Variants in CPA6 observed in about 807,000 individuals in gnomAD.
CPA6 encodes carboxypeptidase B.
Under a neutral mutation model 63.3 loss-of-function variants are expected in CPA6, and 58 were observed. The observed-to-expected ratio is 0.92, with a 90% CI of 0.74 to 1.14. The LOEUF (loss-of-function observed/expected upper bound fraction) is 1.14, where lower values mean the gene tolerates loss of function less well. Ranked by LOEUF, CPA6 falls within the 50% of genes most tolerant of loss-of-function variation. The pLI, the probability that CPA6 is intolerant of heterozygous loss-of-function variation, is 0.00. For missense variants in CPA6, 565 were observed against 526.6 expected, an observed-to-expected ratio of 1.07 and a Z score of -0.71; for synonymous variants, 185 against 179.0, an observed-to-expected ratio of 1.03 and a Z score of -0.27.
At chr8:67,487,834 C>G (rs1255427636) in intron 6 of CPA6, among the ~76,000 whole-genome samples, 2 of 152,060 alleles carry the variant, frequency 1.3e-5, no homozygotes, top group Non-Finnish European at 2.9e-5. Flanking sequence ...TTTCATGTGT[C>G]TTTTGGATGC....
chr8:67,674,082 A>C (rs1816415724), intron 1 of CPA6, among the ~76,000 whole-genome samples: 1 of 152,160 alleles, frequency 6.6e-6, no homozygotes, highest in Non-Finnish European at 1.5e-5. Context: ...TATTCTCTCC[A>C]TTCTACAGTT....
chr8:67,688,576 A>G (rs1300002778), intron 1 of CPA6, among the ~76,000 whole-genome samples: 2 of 152,164 alleles, frequency 1.3e-5, no homozygotes, highest in Non-Finnish European at 2.9e-5. Context: ...ATTGCAGGCT[A>G]TATCATTAAT....
chr8:67,547,696 T>G, intron 2 of CPA6, among the ~76,000 whole-genome samples: 1 of 151,924 alleles, frequency 6.6e-6, no homozygotes, highest in Non-Finnish European at 1.5e-5. Context: ...AGTCTCCTCA[T>G]GTTGCCTAGG....
chr8:67,588,412 CTCA>C (rs1814007441), intron 2 of CPA6, among the ~76,000 whole-genome samples: 1 of 151,896 alleles, frequency 6.6e-6, no homozygotes, highest in Non-Finnish European at 1.5e-5. Flanking sequence ...TCTTTTAATT[CTCA>C]AGGGGTTTTA....
rs550586189 is a variant in CPA6 at position 67,512,686 on chromosome 8, C to T, written c.318-1031G>A. ...GCATTACTTAAAGATGTTAGAAAGC[C>T]CCCCAGTGATTTTCCTGGGCCTGGC... On this transcript the variant is annotated intron_variant, in intron 3 of 10. Coordinates refer to ENST00000297770, the MANE Select transcript of CPA6 (RefSeq NM_020361.5). Among the ~76,000 whole-genome samples the T allele has an allele frequency of 2.0e-5, 3 of 152,216 alleles. No homozygotes were observed. In the East Asian group the frequency reaches 5.8e-4, roughly 29 times the overall value.
At chr8:67,445,870 A>G (rs1810399225) in intron 8 of CPA6, among the ~76,000 whole-genome samples, 1 of 152,240 alleles carries the variant, frequency 6.6e-6, no homozygotes, top group Non-Finnish European at 1.5e-5. Flanking sequence ...AAATACATGG[A>G]AAAATGATTA....
At chr8:67,542,493 C>T (rs879641219) in intron 2 of CPA6, among the ~76,000 whole-genome samples, 3 of 152,222 alleles carry the variant, frequency 2.0e-5, no homozygotes, top group Non-Finnish European at 2.9e-5. Context: ...GGAACCGAGT[C>T]GATTCCTAAT....
intron 6 of CPA6, among the ~76,000 whole-genome samples, chr8:67,498,789 C>T (rs562190573): frequency 6.6e-6 from 1 of 152,122 alleles, no homozygotes; most frequent in East Asian, 1.9e-4. Context: ...TCTAAGCGTA[C>T]CAACCATTTG....
chr8:67,675,656 A>G (rs957864882), intron 1 of CPA6, among the ~76,000 whole-genome samples: 1 of 152,198 alleles, frequency 6.6e-6, no homozygotes, highest in South Asian at 2.1e-4. Context: ...GAATGACATT[A>G]TCACAACGAA....
chr8:67,654,036 G>T (rs962829391), intron 1 of CPA6, among the ~76,000 whole-genome samples: 33 of 151,832 alleles, frequency 2.2e-4, no homozygotes, highest in Admixed American at 2.2e-3. Flanking sequence ...TTATATGCTG[G>T]ATTACATTTA....
chr8:67,683,913 C>G (rs1007357646), intron 1 of CPA6, among the ~76,000 whole-genome samples: 1 of 149,634 alleles, frequency 6.7e-6, no homozygotes, highest in Non-Finnish European at 1.5e-5. Flanking sequence ...TAACCTAAGA[C>G]TTCTGGGCTT....
At chr8:67,636,209 T>C (rs1563371534) in intron 1 of CPA6, among the ~76,000 whole-genome samples, 1 of 151,424 alleles carries the variant, frequency 6.6e-6, no homozygotes, top group African/African-American at 2.5e-5. Flanking sequence ...CTGCATGCCA[T>C]GGGCAGCCTA....
intron 1 of CPA6, among the ~76,000 whole-genome samples, chr8:67,653,580 G>A (rs1270727243): frequency 6.6e-6 from 1 of 151,960 alleles, no homozygotes; most frequent in Non-Finnish European, 1.5e-5. Context: ...TGTGATTTTT[G>A]TACATTGATT....
intron 2 of CPA6, among the ~76,000 whole-genome samples, chr8:67,572,752 G>A (rs1813517676): frequency 6.6e-6 from 1 of 152,144 alleles, no homozygotes; most frequent in Admixed American, 6.5e-5. Flanking sequence ...CAAAAAAACT[G>A]AAGAGAAGAG....
intron 8 of CPA6, among the ~76,000 whole-genome samples, chr8:67,475,806 TTTCTTTCTTTCCTTTCTTTTCTTTCTTTC>T (rs1563967456): frequency 1.2e-4 from 9 of 72,860 alleles, no homozygotes; most frequent in African/African-American, 4.3e-4. Context: ...TCTTTCTTTC[TTTCTTTCTTTCCTTTCTTTTCTTTCTTTC>T]TTTCTTTCTT....
At chr8:67,484,391 C>G (rs984838728) in intron 7 of CPA6, among the ~76,000 whole-genome samples, 2 of 152,088 alleles carry the variant, frequency 1.3e-5, no homozygotes, top group African/African-American at 4.8e-5. Flanking sequence ...TCTCTTGGCC[C>G]CATTTCTTTA....
At chr8:67,652,816 T>C (rs1400590942) in intron 1 of CPA6, among the ~76,000 whole-genome samples, 2 of 151,978 alleles carry the variant, frequency 1.3e-5, no homozygotes, top group Non-Finnish European at 2.9e-5. Context: ...TCCTTGCCCA[T>C]GCCTATGTCC....
chr8:67,669,224 AAC>A (rs2128994057), intron 1 of CPA6, among the ~76,000 whole-genome samples: 1 of 152,284 alleles, frequency 6.6e-6, no homozygotes, highest in East Asian at 1.9e-4. Flanking sequence ...TACTCATGGC[AAC>A]AGTCTTAAGT....
rs550616487 is a variant in CPA6 at position 67,745,797 on chromosome 8, T to C, written c.116+217A>G. 2.0e-5 allele frequency among the ~76,000 whole-genome samples: 3 copies of C among 152,202 alleles called. No homozygotes were observed. In the South Asian group the frequency reaches 6.2e-4, roughly 32 times the overall value. ...GTCCACAGCTAAGGTTGGCACATGA[T>C]AAAAAGTATAAAAAGCCAGGTTGGA... On this transcript the variant is annotated intron_variant, in intron 1 of 10. Transcript: ENST00000297770.
Sources: allele counts gnomAD v4.1 joint callset (sites outside exome capture counted in the v4.1 genomes callset), GRCh38; gene constraint gnomAD v4.1.1; transcripts MANE v1.5; gene names NCBI Gene and HGNC (gene_info 2026-07-23, HGNC 2026-07-21).